PLCB1: variants seen among roughly 807,000 people sequenced by gnomAD.
PLCB1 encodes the protein phospholipase C beta 1.
A neutral mutation model predicts 161.8 loss-of-function variants in PLCB1; 46 were observed. The ratio of observed to expected loss-of-function variants is 0.28; its 90% CI spans 0.22 to 0.36. The LOEUF is 0.36. Ranked by LOEUF, PLCB1 falls within the 10% of genes least tolerant of loss-of-function variation. PLCB1 has a pLI of 1.00. For synonymous variants in PLCB1, 517 were observed against 503.7 expected (o/e 1.03, Z -0.35); for missense variants, 1,016 against 1,472.5 (o/e 0.69, Z 5.07).
At chr20:8,350,506 G>A (rs893698914) in intron 2 of PLCB1, among the ~76,000 whole-genome samples, 10 of 152,152 alleles carry the variant, frequency 6.6e-5, no homozygotes, top group Admixed American at 2.0e-4. Context: ...GGGCATTTGG[G>A]TTGATTCCAT....
chr20:8,739,441 T>G, intron 21 of PLCB1, 81 bp downstream of exon 21: 1 of 860,240 alleles, frequency 1.2e-6, no homozygotes, highest in South Asian at 1.4e-5. Flanking sequence ...AGAAAATGAC[T>G]TAAGAAACTA....
At chr20:8,594,321 G>C (rs913215462) in intron 3 of PLCB1, among the ~76,000 whole-genome samples, 1 of 152,108 alleles carries the variant, frequency 6.6e-6, no homozygotes. Context: ...TCTGGAATGG[G>C]ACTTAGCAAT....
At chr20:8,493,926 T>C (rs1361157758) in intron 3 of PLCB1, among the ~76,000 whole-genome samples, 4 of 131,542 alleles carry the variant, frequency 3.0e-5, no homozygotes, top group African/African-American at 1.4e-4. Context: ...TCTGCATGAG[T>C]GCTGTGTGCT....
At chr20:8,865,699 A>C (rs2146318611) in intron 31 of PLCB1, among the ~76,000 whole-genome samples, 1 of 152,294 alleles carries the variant, frequency 6.6e-6, no homozygotes, top group East Asian at 1.9e-4. Flanking sequence ...AGGGGAAAGA[A>C]ATAGTAGAGA....
intron 16 of PLCB1, among the ~76,000 whole-genome samples, chr20:8,725,583 A>G: frequency 6.6e-6 from 1 of 152,190 alleles, no homozygotes; most frequent in East Asian, 1.9e-4. Flanking sequence ...TATGCAACCT[A>G]GATCTCTACA....
At chr20:8,523,703 C>A (rs1426297909) in intron 3 of PLCB1, among the ~76,000 whole-genome samples, 4 of 151,182 alleles carry the variant, frequency 2.6e-5, no homozygotes, top group African/African-American at 9.7e-5. Context: ...CACTTTTAAA[C>A]CCACTAAAAG....
chr20:8,826,885 T>C (rs6056183), intron 31 of PLCB1, among the ~76,000 whole-genome samples: 43,924 of 152,106 alleles, frequency 0.29, 6,511 homozygotes, highest in Middle Eastern at 0.41. Flanking sequence ...TTTCAGTGGT[T>C]GGCTTCTCTG....
intron 3 of PLCB1, among the ~76,000 whole-genome samples, chr20:8,462,499 C>G (rs190114518): frequency 5.6e-4 from 86 of 152,258 alleles, no homozygotes; most frequent in African/African-American, 2.0e-3. Context: ...CAGCTGTCTG[C>G]TTTTGTATAT....
At chr20:8,703,017 G>T (rs555802490) in intron 11 of PLCB1, among the ~76,000 whole-genome samples, 4 of 152,238 alleles carry the variant, frequency 2.6e-5, no homozygotes, top group Non-Finnish European at 5.9e-5. Flanking sequence ...GACAGAGAGA[G>T]GAGGGAGAAG....
intron 31 of PLCB1, among the ~76,000 whole-genome samples, chr20:8,829,830 A>G (rs1985897808): frequency 6.6e-6 from 1 of 152,236 alleles, no homozygotes; most frequent in South Asian, 2.1e-4. Context: ...GGATTTTGAA[A>G]TTATTCTTGA....
chr20:8,232,112 T>C (rs1980074370), intron 2 of PLCB1, among the ~76,000 whole-genome samples: 1 of 151,778 alleles, frequency 6.6e-6, no homozygotes, highest in Non-Finnish European at 1.5e-5. Context: ...GAGGCCAGGG[T>C]AGGAAAATTG....
chr20:8,648,464 C>T (rs946529102), intron 6 of PLCB1, among the ~76,000 whole-genome samples: 33 of 152,160 alleles, frequency 2.2e-4, no homozygotes, highest in Non-Finnish European at 8.8e-5. Context: ...CTGGTGAGCA[C>T]CTGACACTAG....
chr20:8,485,370 G>A (rs183172966), intron 3 of PLCB1, among the ~76,000 whole-genome samples: 115 of 152,260 alleles, frequency 7.6e-4, no homozygotes, highest in Non-Finnish European at 1.4e-3. Flanking sequence ...CCTTGTTCTC[G>A]TGCTGATGAT....
At chr20:8,491,795 A>C (rs73899111) in intron 3 of PLCB1, among the ~76,000 whole-genome samples, 146 of 152,200 alleles carry the variant, frequency 9.6e-4, no homozygotes, top group Non-Finnish European at 8.1e-4. Context: ...AGGATTGCCA[A>C]TTCTCACAAG....
intron 2 of PLCB1, among the ~76,000 whole-genome samples, chr20:8,232,226 A>G (rs75066562): frequency 1.2e-5 from 1 of 82,636 alleles, no homozygotes; most frequent in Non-Finnish European, 2.2e-5. Flanking sequence ...TCTTTAAAAA[A>G]GAGAGAGAGA....
At chr20:8,296,523 CT>C (rs1427041433) in intron 2 of PLCB1, among the ~76,000 whole-genome samples, 1 of 152,140 alleles carries the variant, frequency 6.6e-6, no homozygotes, top group Non-Finnish European at 1.5e-5. Context: ...TTTTAGGTCC[CT>C]TTTCCCATTA....
In PLCB1 at chr20:8,721,096, C is replaced by G. The variant is rs552793314; in HGVS notation, c.1514-1258C>G. On this transcript the variant is annotated intron_variant, in intron 14 of 31. Coordinates refer to ENST00000338037, the MANE Select transcript of PLCB1 (RefSeq NM_015192.4). ...TTGCTGGTCCCAGAAATCTTTTTTC[C>G]CCTGGAGATTTTTAAGCAATACTTT... is the stretch of plus-strand genomic sequence containing the variant. 5.9e-5 allele frequency among the ~76,000 whole-genome samples: 9 copies of G among 152,168 alleles called. No individual in the cohort carries two copies. In the South Asian group the frequency reaches 1.7e-3, roughly 28 times the overall value.
chr20:8,681,256 T>A (rs1178235162), intron 9 of PLCB1, among the ~76,000 whole-genome samples: 2 of 151,740 alleles, frequency 1.3e-5, no homozygotes, highest in East Asian at 3.9e-4. Context: ...TTCATTTGAG[T>A]ATGACAAATA....
At chr20:8,731,352 T>C (rs932348985) in intron 18 of PLCB1, among the ~76,000 whole-genome samples, 1 of 151,940 alleles carries the variant, frequency 6.6e-6, no homozygotes, top group Non-Finnish European at 1.5e-5. Context: ...CTTCTAGCTA[T>C]TTTTAAATGT....
Sources: allele counts gnomAD v4.1 joint callset (sites outside exome capture counted in the v4.1 genomes callset), GRCh38; gene constraint gnomAD v4.1.1; transcripts MANE v1.5; gene names NCBI Gene and HGNC (gene_info 2026-07-23, HGNC 2026-07-21).